Variants in ZNF385A observed in about 807,000 individuals in gnomAD.
ZNF385A encodes the protein zinc finger protein 385A.
ZNF385A carries 14 observed loss-of-function variants against 32.1 expected under a neutral mutation model. The observed-to-expected ratio is 0.44, with a 90% CI of 0.29 to 0.68. ZNF385A has a LOEUF of 0.68. ZNF385A is among the 30% of genes least tolerant of loss of function. ZNF385A has a pLI of 0.14. For synonymous variants in ZNF385A, 197 were observed against 202.7 expected, an observed-to-expected ratio of 0.97 and a Z score of 0.24; for missense variants, 406 against 478.4, an observed-to-expected ratio of 0.85 and a Z score of 1.41.
upstream of ZNF385A, among the ~76,000 whole-genome samples, chr12:54,388,368 T>C (rs931550503): frequency 1.3e-5 from 2 of 152,216 alleles, no homozygotes; most frequent in African/African-American, 4.8e-5. Flanking sequence ...CCAGGCCACA[T>C]CTGGCTTCCT....
chr12:54,382,429 G>A (rs1207573857), intron 1 of ZNF385A, among the ~76,000 whole-genome samples: 2 of 152,142 alleles, frequency 1.3e-5, no homozygotes, highest in Non-Finnish European at 2.9e-5. Flanking sequence ...CTCATTTGGG[G>A]GGAGCAGCTG....
rs190574816 is a variant in ZNF385A at position 54,383,405 on chromosome 12, C to T, written c.87+1023G>A. 4.4e-3 allele frequency among the ~76,000 whole-genome samples: 667 copies of T among 152,142 alleles called. 1 individual carries two copies. Among genetic ancestry groups the T allele is most frequent in the Non-Finnish European group, 8.0e-3 (541 of 67,990 alleles). On this transcript the variant is annotated intron_variant, in intron 1 of 6. Coordinates refer to ENST00000394313, the MANE Select transcript of ZNF385A (RefSeq NM_015481.3). ...TGTCAATATTTCCTTGAAATTACCT[C>T]CCCCATTCTCCCTTTCTCTCCACTC... is the stretch of plus-strand genomic sequence containing the variant.
At position 54,370,790 on chromosome 12, in the gene ZNF385A, G is replaced by A; in HGVS notation, c.775-69C>T. On this transcript the variant is annotated intron_variant, in intron 5 of 6. Coordinates refer to ENST00000394313, the MANE Select transcript of ZNF385A (RefSeq NM_015481.3). This position sits in a 1 kb window ranked among gnomAD's most constrained non-coding sequence, Gnocchi z 5.5. The stretch of plus-strand genomic sequence containing the variant: ...GGCAACAGCGAGGGAGTATAATCAA[G>A]CTCCAAGCACCGGCCCCCTCCCATC... 1.3e-6 allele frequency: 2 copies of A among 1,587,038 alleles called. No homozygotes were observed. The highest frequency in any genetic ancestry group is 8.6e-7 in the Non-Finnish European group (1 of 1,168,164).
chr12:54,383,142 G>A (rs566174458), intron 1 of ZNF385A, among the ~76,000 whole-genome samples: 9 of 152,264 alleles, frequency 5.9e-5, no homozygotes, highest in African/African-American at 1.9e-4. Context: ...TCCAGCCTGA[G>A]AGATTGAGCA....
intron 1 of ZNF385A, among the ~76,000 whole-genome samples, chr12:54,389,991 G>C (rs542929086): frequency 1.3e-5 from 2 of 152,180 alleles, no homozygotes; most frequent in East Asian, 3.9e-4. Flanking sequence ...ATGGAGGAAG[G>C]GCAGAAGGAC....
upstream of ZNF385A, among the ~76,000 whole-genome samples, chr12:54,387,582 C>T (rs1363520196): frequency 6.6e-6 from 1 of 152,200 alleles, no homozygotes; most frequent in African/African-American, 2.4e-5. Context: ...AGTAGGTGGT[C>T]CCACCACTCA....
At chr12:54,377,851 T>A (rs895238742) in intron 1 of ZNF385A, among the ~76,000 whole-genome samples, 5 of 151,940 alleles carry the variant, frequency 3.3e-5, no homozygotes, top group Non-Finnish European at 4.4e-5. Flanking sequence ...ATGAAAACAG[T>A]AGGGAGAGAG....
chr12:54,374,095 C>T lies in ZNF385A; in HGVS notation c.239G>A (p.Arg80Gln), dbSNP rs753475854. ...GGCAGCCTCAATGCCTTTGACTCGT[C>T]GGGCGTGGCGATTACCTTTGTAGTG... The part of the protein sequence containing the change: ...EAHYKGNRHA[R>Q]RVKGIEAAKT... Residue 80 changes from arginine (R) to glutamine (Q), a missense_variant, in exon 3 of 7, where the codon CGA (arginine) becomes CAA (glutamine). Transcript: ENST00000394313. 4.4e-6 allele frequency: 7 copies of T among 1,588,806 alleles called. No individual in the cohort carries two copies. The highest frequency in any genetic ancestry group is 2.3e-5 in the South Asian group (2 of 88,802).
chr12:54,375,733 ATCCCTGCCCC>A, intron 2 of ZNF385A, 101 bp downstream of exon 2: 2 of 905,326 alleles, frequency 2.2e-6, no homozygotes, highest in Non-Finnish European at 3.6e-6. Flanking sequence ...TATCCCCTTA[ATCCCTGCCCC>A]TCAACCAGAG....
At chr12:54,390,955 C>T (rs1010670193) in intron 1 of ZNF385A, among the ~76,000 whole-genome samples, 2 of 152,124 alleles carry the variant, frequency 1.3e-5, no homozygotes, top group African/African-American at 2.4e-5. Context: ...TCATGAGCCT[C>T]ATGAATACGC....
upstream of ZNF385A, chr12:54,385,726 A>G (rs1173323325): frequency 2.1e-6 from 2 of 948,662 alleles, no homozygotes; most frequent in Non-Finnish European, 2.5e-6. Context: ...CTGGCCCCCC[A>G]GGGGCCTGGG....
Position 54,384,684 on chromosome 12 carries a change from C to A in ZNF385A, c.-170G>T. 7.1e-7 allele frequency: 1 copy of A among 1,401,084 alleles called. No homozygotes were observed. The allele number at this position is 1,401,084 out of a possible 1,614,324, so 86.8% of individuals were successfully genotyped here. A position where few individuals can be genotyped will look rare whatever the true frequency, so the allele number is the denominator to read the frequency against. ...ACACTCAGAAGTGTCACCCTCAGTG[C>A]ACATAGTGTACACACTTCCCCTGCT... On this transcript the variant is annotated 5_prime_UTR_variant, in exon 1 of 7. Coordinates refer to ENST00000394313, the MANE Select transcript of ZNF385A (RefSeq NM_015481.3).
chr12:54,377,364 G>C (rs1315942026), intron 1 of ZNF385A, among the ~76,000 whole-genome samples: 1 of 152,096 alleles, frequency 6.6e-6, no homozygotes, highest in Admixed American at 6.5e-5. Flanking sequence ...CTCTCTAAGG[G>C]CTCACTTTTT....
chr12:54,391,294 G>T (rs1370097966), exon 1 of ZNF385A: 14 of 1,285,894 alleles, frequency 1.1e-5, no homozygotes, highest in Non-Finnish European at 1.1e-5. Context: ...CCCGGGGGCC[G>T]TTCTGGCCGG....
In ZNF385A at chr12:54,370,137, T is replaced by TGGGG; in HGVS notation, c.*115_*118dup. On this transcript the variant is annotated 3_prime_UTR_variant, in exon 7 of 7. Transcript: ENST00000394313. The surrounding 1 kb of genome is among the most constrained non-coding windows in gnomAD (Gnocchi z 5.5). ...TTTCCTGGAACCCCGTATCTCGGGG[T>TGGGG]GGGGGGGGGGAAGGAGAGATCATTT... The TGGGG allele has an allele frequency of 2.2e-6, 1 of 460,914 alleles. No individual in the cohort carries two copies. Among genetic ancestry groups the TGGGG allele is most frequent in the Non-Finnish European group, 3.2e-6 (1 of 309,730 alleles). The allele number at this position is 460,914 out of a possible 1,614,324, so 28.6% of individuals were successfully genotyped here. A position where few individuals can be genotyped will look rare whatever the true frequency, so the allele number is the denominator to read the frequency against.
rs540356075 is a variant in ZNF385A, at chr12:54,371,604, C to T, written c.473G>A (p.Gly158Glu). ...ETGQGVTKGE[G>E]GTPAPASLPG... ...CAAGGAAGCCGGGGCTGGAGTCCCC[C>T]CTTCACCCTTGGTTACACCCTGACC... Residue 158 changes from glycine (G) to glutamate (E), a missense_variant, in exon 4 of 7, where the codon GGG becomes GAG. Physicochemically the swap from Gly to Glu is moderately conservative, Grantham distance 98. Coordinates refer to ENST00000394313, the MANE Select transcript of ZNF385A (RefSeq NM_015481.3). 3.1e-6 allele frequency: 5 copies of T among 1,613,390 alleles called. No homozygotes were observed. The African/African-American group carries it at 4.0e-5, about 13-fold the overall frequency.
chr12:54,383,590 C>A (rs1304886596), intron 1 of ZNF385A, among the ~76,000 whole-genome samples: 1 of 152,196 alleles, frequency 6.6e-6, no homozygotes, highest in Non-Finnish European at 1.5e-5. Context: ...AAGTCACTCT[C>A]CTGCTCAAGA....
At chr12:54,375,126 T>C (rs531530524) in intron 2 of ZNF385A, among the ~76,000 whole-genome samples, 30 of 152,098 alleles carry the variant, frequency 2.0e-4, no homozygotes, top group African/African-American at 7.2e-4. Flanking sequence ...GCTTTTATTT[T>C]CCCCTACTCA....
Position 54,371,142 on chromosome 12 carries a change from T to C in ZNF385A, c.605-46A>G, listed in dbSNP as rs750630284. On this transcript the variant is annotated intron_variant, in intron 4 of 6. Transcript: ENST00000394313. ...GAGGTAAGGGGTGGAAGAAAAATTA[T>C]CCAGGCCTACTGGGCCTCAGAATGC... 5.2e-6 allele frequency: 8 copies of C among 1,540,180 alleles called. No homozygotes were observed. In the East Asian group the frequency reaches 1.8e-4, roughly 35 times the overall value.
Sources: gnomAD v4.1 joint callset for allele counts (sites outside exome capture counted in the v4.1 genomes callset) on GRCh38, gnomAD v4.1.1 for gene constraint, Gnocchi (gnomAD v3.1) non-coding constraint, MANE v1.5 for transcripts, NCBI Gene and HGNC (gene_info 2026-07-23, HGNC 2026-07-21) for gene names.